Variants in CEP164 observed in about 807,000 individuals in gnomAD.
CEP164 encodes centrosomal protein 164.
Under a neutral mutation model 182.7 loss-of-function variants are expected in CEP164, and 162 were observed. The ratio of observed to expected loss-of-function variants is 0.89; its 90% CI spans 0.78 to 1.01. The LOEUF is 1.01. CEP164 is among the 50% of genes least tolerant of loss of function. The pLI is 0.00. For synonymous variants in CEP164, 661 were observed against 690.0 expected (o/e 0.96, Z 0.66); for missense variants, 1,735 against 1,790.4 (o/e 0.97, Z 0.56).
rs1278586123 is a variant in CEP164, at chr11:117,362,002, G to A, written c.552+9G>A. 18 of 1,546,322 alleles carry A rather than the reference G, an allele frequency of 1.2e-5. No individual in the cohort carries two copies. The highest frequency in any genetic ancestry group is 4.1e-5 in the African/African-American group (3 of 72,338). ...TTGGAGAACTCATGCTGGTAAGTAC[G>A]TTCTCTTGCGTTCAGTGTCTGTAGT... On this transcript the variant is annotated intron_variant, in intron 6 of 32. Transcript: ENST00000278935.
In CEP164 at chr11:117,396,170, C is replaced by T. The variant is rs142722515; in HGVS notation, c.3206C>T (p.Ser1069Phe). Residue 1069 changes from serine to phenylalanine, a missense_variant, in exon 25 of 33, where the codon TCC (serine) becomes TTC (phenylalanine). By Grantham distance (155) the Ser-to-Phe change is radical. Transcript: ENST00000278935. ...CTCCATATTGAGGACCTGAGGAAAT[C>T]CCTTGGAACAGTGAGCTGGGGGCTG... ...PDLHIEDLRKSLGTNQTKEVS... is the reference protein window; with the variant it reads ...PDLHIEDLRKFLGTNQTKEVS... The T allele has an allele frequency of 8.7e-6, 14 of 1,613,792 alleles. No individual in the cohort carries two copies. Among genetic ancestry groups the T allele is most frequent in the Non-Finnish European group, 9.3e-6 (11 of 1,179,894 alleles).
chr11:117,403,888 C>T (rs1338828716), intron 27 of CEP164, among the ~76,000 whole-genome samples: 1 of 151,922 alleles, frequency 6.6e-6, no homozygotes, highest in Non-Finnish European at 1.5e-5. Context: ...TGTCTTCACG[C>T]TTTATTTCAT....
chr11:117,378,010 A>G (rs1249842914), intron 11 of CEP164, among the ~76,000 whole-genome samples: 1 of 149,038 alleles, frequency 6.7e-6, no homozygotes, highest in East Asian at 1.9e-4. Flanking sequence ...ACAGGCATCC[A>G]CCACCATGCC....
At chr11:117,358,124 A>G (rs187211332) in intron 5 of CEP164, among the ~76,000 whole-genome samples, 3 of 152,338 alleles carry the variant, frequency 2.0e-5, no homozygotes, top group Admixed American at 2.0e-4. Context: ...CTACTGTAGC[A>G]CTATAAATAT....
intron 27 of CEP164, among the ~76,000 whole-genome samples, chr11:117,399,379 A>G (rs1404180022): frequency 6.6e-6 from 1 of 152,148 alleles, no homozygotes; most frequent in Non-Finnish European, 1.5e-5. Context: ...TATCCAGTCT[A>G]TCATTGATGG....
At chr11:117,401,198 G>C (rs992418761) in intron 27 of CEP164, among the ~76,000 whole-genome samples, 3 of 152,132 alleles carry the variant, frequency 2.0e-5, no homozygotes, top group Admixed American at 1.3e-4. Flanking sequence ...TAGCATGAAG[G>C]GGTGTCAAAT....
At position 117,340,626 on chromosome 11, in the gene CEP164, G is replaced by A. The variant is rs369757800; in HGVS notation, c.82+1958G>A. On this transcript the variant is annotated intron_variant, in intron 3 of 32. Coordinates refer to ENST00000278935, the MANE Select transcript of CEP164 (RefSeq NM_014956.5). ...CATAGCTCACTGCAGCCTTGAACTC[G>A]TGGGCTCAGGTGATCCTCCCATGTA... 3.7e-4 allele frequency among the ~76,000 whole-genome samples: 57 copies of A among 152,150 alleles called. 1 individual carries two copies. The East Asian group carries it at 8.1e-3, about 22-fold the overall frequency.
rs1338336295 is a variant in CEP164 at position 117,352,003 on chromosome 11, G to A, written c.393+15G>A. 1 of 1,556,620 alleles carries A rather than the reference G, an allele frequency of 6.4e-7. No individual in the cohort carries two copies. The highest frequency in any genetic ancestry group is 8.7e-7 in the Non-Finnish European group (1 of 1,150,058). On this transcript the variant is annotated intron_variant, in intron 5 of 32. Coordinates refer to ENST00000278935, the MANE Select transcript of CEP164 (RefSeq NM_014956.5). ...AAAGTTCGCTGGTGAGTCAGTGGAT[G>A]CCTCCTCCCAGAGAGGCCAGGGCTG...
At chr11:117,328,696 A>C (rs2035710605) in intron 1 of CEP164, among the ~76,000 whole-genome samples, 1 of 152,046 alleles carries the variant, frequency 6.6e-6, no homozygotes. Context: ...GTATTTTTTT[A>C]TCTCAATGAA....
chr11:117,387,339 C>A lies in CEP164; in HGVS notation c.1861C>A (p.Leu621Met), dbSNP rs771924149. The change falls in exon 15 of 33, where the codon CTG (leucine) becomes ATG (methionine). Residue 621 changes from leucine to methionine, a missense_variant. Leu to Met is a conservative substitution (Grantham distance 15). Coordinates refer to ENST00000278935, the MANE Select transcript of CEP164 (RefSeq NM_014956.5). Reference sequence around the variant, plus strand: ...ATCCAAGCAAGAGAAGATGCAGCAACTGCGGGAGAAGCTGTGCCAAGAGGA... The same window carrying A: ...ATCCAAGCAAGAGAAGATGCAGCAAATGCGGGAGAAGCTGTGCCAAGAGGA... ...LESKQEKMQQ[L>M]REKLCQEEEE... is the part of the protein sequence containing the mutation. The A allele has an allele frequency of 1.2e-6, 2 of 1,614,194 alleles. No individual in the cohort carries two copies. The highest frequency in any genetic ancestry group is 1.7e-6 in the Non-Finnish European group (2 of 1,180,052).
chr11:117,363,692 G>T (rs1410380875), intron 8 of CEP164, among the ~76,000 whole-genome samples, 186 bp downstream of exon 8: 1 of 147,104 alleles, frequency 6.8e-6, no homozygotes, highest in Non-Finnish European at 1.5e-5. Flanking sequence ...GTCCCTTCCA[G>T]ACCCTGCCTC....
At chr11:117,355,509 C>T in intron 5 of CEP164, 1 of 1,288,010 alleles carries the variant, frequency 7.8e-7, no homozygotes, top group South Asian at 1.2e-5. Context: ...CCCACTGGCC[C>T]TGGAGGGGAC....
chr11:117,395,556 G>A lies in CEP164; in HGVS notation c.2923G>A (p.Ala975Thr). The A allele has an allele frequency of 6.2e-7, 1 of 1,610,854 alleles. No homozygotes were observed. The highest frequency in any genetic ancestry group is 8.5e-7 in the Non-Finnish European group (1 of 1,178,504). Residue 975 changes from alanine (A) to threonine (T), a missense_variant, in exon 24 of 33, where the codon GCC (alanine) becomes ACC (threonine). Ala to Thr is a moderately conservative substitution (Grantham distance 58). Coordinates refer to ENST00000278935, the MANE Select transcript of CEP164 (RefSeq NM_014956.5). ...TTCCTTTTGCCCCTAGGAAGCCACA[G>A]CCACCCATCAGCAGCTGGAGGAGGC... is the stretch of plus-strand genomic sequence containing the variant. ...QVALKSEEAT[A>T]THQQLEEAQK...
intron 10 of CEP164, among the ~76,000 whole-genome samples, chr11:117,375,036 T>G (rs1332292845): frequency 6.6e-6 from 1 of 152,184 alleles, no homozygotes; most frequent in Admixed American, 6.5e-5. Flanking sequence ...GAGAAGCCAG[T>G]GCAGGAATCA....
intron 11 of CEP164, among the ~76,000 whole-genome samples, chr11:117,376,739 C>T (rs1555122990): frequency 6.6e-6 from 1 of 152,198 alleles, no homozygotes; most frequent in Non-Finnish European, 1.5e-5. Context: ...GGCCACTGTC[C>T]AGCTACCAGG....
At chr11:117,391,307 C>G (rs1370866303) in intron 17 of CEP164, 92 bp downstream of exon 17, 2 of 1,261,320 alleles carry the variant, frequency 1.6e-6, no homozygotes, top group East Asian at 5.1e-5. Flanking sequence ...GGGCAAGTCT[C>G]GGGTGGGCGT....
intron 27 of CEP164, among the ~76,000 whole-genome samples, chr11:117,405,311 C>T (rs375481174): frequency 1.6e-4 from 24 of 152,282 alleles, no homozygotes; most frequent in East Asian, 1.4e-3. Context: ...TCCTGGTCTG[C>T]GGGTTGCAAA....
At chr11:117,351,158 G>C (rs1485609318) in intron 4 of CEP164, among the ~76,000 whole-genome samples, 2 of 152,082 alleles carry the variant, frequency 1.3e-5, no homozygotes, top group Non-Finnish European at 2.9e-5. Flanking sequence ...TCAGCCTCCT[G>C]AGTAGCTGGG....
Position 117,371,138 on chromosome 11 carries a change from C to T in CEP164, c.824C>T (p.Ala275Val), listed in dbSNP as rs763351968. Residue 275 changes from alanine to valine, a missense_variant, in exon 9 of 33, where the codon GCT becomes GTT. By Grantham distance (64) the Ala-to-Val change is moderately conservative (BLOSUM62 0). Coordinates refer to ENST00000278935, the MANE Select transcript of CEP164 (RefSeq NM_014956.5). ...EKKDVSLDSD[A>V]AGPPTPCKPS... is the part of the protein sequence containing the mutation. Reference sequence around the variant, plus strand: ...AAGGATGTTTCTCTGGATTCAGATGCTGCCGGTCCCCCTACTCCCTGCAAG... The same window carrying T: ...AAGGATGTTTCTCTGGATTCAGATGTTGCCGGTCCCCCTACTCCCTGCAAG... 6.2e-7 allele frequency: 1 copy of T among 1,612,492 alleles called. No homozygotes were observed.
Sources: gnomAD v4.1 joint callset for allele counts (sites outside exome capture counted in the v4.1 genomes callset) on GRCh38, gnomAD v4.1.1 for gene constraint, MANE v1.5 for transcripts, NCBI Gene and HGNC (gene_info 2026-07-23, HGNC 2026-07-21) for gene names.